SNX29: variants seen among roughly 807,000 people sequenced by gnomAD.
SNX29 encodes sorting nexin-29.
SNX29 carries 78 observed loss-of-function variants against 102.1 expected under a neutral mutation model. The ratio of observed to expected loss-of-function variants is 0.76; its 90% CI spans 0.64 to 0.92. SNX29 has a LOEUF of 0.92. SNX29 is among the 40% of genes least tolerant of loss of function. SNX29 has a pLI of 0.00. For synonymous variants in SNX29, 580 were observed against 414.5 expected, an observed-to-expected ratio of 1.40 and a Z score of -4.85; for missense variants, 1,280 against 1,061.7, an observed-to-expected ratio of 1.21 and a Z score of -2.86.
At chr16:12,285,254 C>G (rs1004997234) in intron 15 of SNX29, among the ~76,000 whole-genome samples, 1 of 152,296 alleles carries the variant, frequency 6.6e-6, no homozygotes, top group Non-Finnish European at 1.5e-5. Context: ...GCTCTCCCAG[C>G]TCTTGCTTGC....
At chr16:12,035,053 G>A (rs1334868847) in intron 4 of SNX29, among the ~76,000 whole-genome samples, 2 of 151,884 alleles carry the variant, frequency 1.3e-5, no homozygotes, top group Admixed American at 1.3e-4. Context: ...CCTCTGAGTT[G>A]TCAGTTTTTA....
chr16:12,058,044 T>G (rs2050591970), intron 8 of SNX29, among the ~76,000 whole-genome samples: 1 of 152,004 alleles, frequency 6.6e-6, no homozygotes, highest in African/African-American at 2.4e-5. Flanking sequence ...GTCTCAAAAC[T>G]CCTGACCTCA....
chr16:12,520,755 C>G (rs1043997556), intron 19 of SNX29, among the ~76,000 whole-genome samples: 2 of 132,254 alleles, frequency 1.5e-5, no homozygotes, highest in East Asian at 5.2e-4. Context: ...TATGGGCATG[C>G]AAATACATAC....
At chr16:12,177,522 T>A (rs2076287973) in intron 13 of SNX29, among the ~76,000 whole-genome samples, 1 of 152,098 alleles carries the variant, frequency 6.6e-6, no homozygotes, top group Non-Finnish European at 1.5e-5. Context: ...ACACCTATCA[T>A]CTTCACAAGC....
chr16:12,395,425 T>C (rs1291587663), intron 16 of SNX29, among the ~76,000 whole-genome samples: 1 of 152,248 alleles, frequency 6.6e-6, no homozygotes, highest in Non-Finnish European at 1.5e-5. Flanking sequence ...TCATCTACCA[T>C]TTCACATCCT....
At chr16:12,534,728 C>G (rs186959567) in intron 20 of SNX29, among the ~76,000 whole-genome samples, 1 of 152,206 alleles carries the variant, frequency 6.6e-6, no homozygotes, top group Non-Finnish European at 1.5e-5. Context: ...CACTCACTGC[C>G]CCTTGCCCTA....
chr16:12,561,970 G>C (rs970552513), intron 20 of SNX29, among the ~76,000 whole-genome samples: 2 of 152,136 alleles, frequency 1.3e-5, no homozygotes, highest in African/African-American at 4.8e-5. Context: ...GATGTCCCCA[G>C]AGTGTCTACC....
At chr16:12,537,846 A>G (rs1156423069) in intron 20 of SNX29, among the ~76,000 whole-genome samples, 1 of 152,142 alleles carries the variant, frequency 6.6e-6, no homozygotes, top group African/African-American at 2.4e-5. Flanking sequence ...CTGGCTGGGC[A>G]TGGTGGCTCA....
At chr16:12,129,557 T>C in intron 12 of SNX29, 73 bp from the exon 13 acceptor site, 1 of 1,511,782 alleles carries the variant, frequency 6.6e-7, no homozygotes, top group Non-Finnish European at 8.9e-7. Flanking sequence ...TTGACTTATG[T>C]TAGGAACTGT....
Position 12,568,713 on chromosome 16 carries a change from C to A in SNX29, c.*84C>A. The A allele has an allele frequency of 6.5e-7, 1 of 1,541,180 alleles. No homozygotes were observed. Among genetic ancestry groups the A allele is most frequent in the South Asian group, 1.2e-5 (1 of 84,394 alleles). ...CACTGCCGCTGGCCCCTCACCTCAG[C>A]GTGACAACCACGTCCACCTGGTGAT... is the stretch of plus-strand genomic sequence containing the variant. On this transcript the variant is annotated 3_prime_UTR_variant, in exon 21 of 21. Transcript: ENST00000566228.
intron 2 of SNX29, among the ~76,000 whole-genome samples, chr16:11,999,805 GC>G (rs2056221265): frequency 6.6e-6 from 1 of 152,048 alleles, no homozygotes; most frequent in African/African-American, 2.4e-5. Flanking sequence ...GGAGGCTGAG[GC>G]AGGAGAATTG....
intron 14 of SNX29, among the ~76,000 whole-genome samples, chr16:12,227,642 G>C (rs2077650831): frequency 6.6e-6 from 1 of 152,142 alleles, no homozygotes; most frequent in African/African-American, 2.4e-5. Flanking sequence ...GCTCATGCCT[G>C]TAATCCCAGC....
chr16:12,021,535 A>G (rs1260406275), intron 3 of SNX29, among the ~76,000 whole-genome samples: 1 of 152,204 alleles, frequency 6.6e-6, no homozygotes, highest in Non-Finnish European at 1.5e-5. Context: ...ATTGCCATGC[A>G]AAAGTATAGG....
At chr16:12,040,464 G>A (rs1475829010) in intron 4 of SNX29, among the ~76,000 whole-genome samples, 1 of 152,218 alleles carries the variant, frequency 6.6e-6, no homozygotes, top group East Asian at 1.9e-4. Context: ...GATACAAGTA[G>A]TTGTAGGAAT....
intron 20 of SNX29, among the ~76,000 whole-genome samples, chr16:12,560,505 G>C (rs1036866885): frequency 6.6e-6 from 1 of 152,154 alleles, no homozygotes; most frequent in Non-Finnish European, 1.5e-5. Context: ...GGGCACGCCT[G>C]TCCTGCCCTC....
rs2079174529 is a variant in SNX29 at position 12,570,928 on chromosome 16, G to A, written c.*2299G>A. The stretch of plus-strand genomic sequence containing the variant: ...GGTCTGCTCTCCAAAATGAGAGCAT[G>A]TTCCTGGGAGCCACATGGGGACCAT... On this transcript the variant is annotated 3_prime_UTR_variant, in exon 21 of 21. Coordinates refer to ENST00000566228, the MANE Select transcript of SNX29 (RefSeq NM_032167.5). The A allele has an allele frequency of 8.6e-6, 2 of 231,546 alleles. No homozygotes were observed. Among genetic ancestry groups the A allele is most frequent in the Non-Finnish European group, 1.7e-5 (2 of 117,148 alleles). The allele number at this position is 231,546 out of a possible 1,614,324, so 14.3% of individuals were successfully genotyped here.
intron 12 of SNX29, among the ~76,000 whole-genome samples, chr16:12,127,212 TTA>T (rs2054251508): frequency 6.6e-6 from 1 of 150,778 alleles, no homozygotes; most frequent in South Asian, 2.1e-4. Flanking sequence ...TGAGCCGAGA[TTA>T]CGCCATTGCA....
intron 14 of SNX29, among the ~76,000 whole-genome samples, chr16:12,217,480 A>G (rs1199172689): frequency 6.6e-6 from 1 of 152,168 alleles, no homozygotes; most frequent in South Asian, 2.1e-4. Flanking sequence ...TGAAACCTAC[A>G]GGTGGTAGTG....
intron 5 of SNX29, among the ~76,000 whole-genome samples, chr16:12,044,465 A>G (rs1264090411): frequency 6.6e-6 from 1 of 152,208 alleles, no homozygotes; most frequent in African/African-American, 2.4e-5. Context: ...GGGAACCAGG[A>G]GGACTGACAC....
Sources: allele counts gnomAD v4.1 joint callset (sites outside exome capture counted in the v4.1 genomes callset), GRCh38; gene constraint gnomAD v4.1.1; transcripts MANE v1.5; gene names NCBI Gene and HGNC (gene_info 2026-07-23, HGNC 2026-07-21).